The following POLR2B variants were observed in gnomAD, a reference collection of about 807,000 sequenced individuals.
The protein encoded by POLR2B is DNA-directed RNA polymerase II subunit RPB2.
A neutral mutation model predicts 144.6 loss-of-function variants in POLR2B; 57 were observed. That is an observed-to-expected ratio of 0.39 (90% confidence interval 0.32 to 0.49). POLR2B has a LOEUF of 0.49. Among genes scored for constraint, POLR2B ranks in the 20% least tolerant of loss-of-function variants. The probability of loss-of-function intolerance (pLI) is 0.83; values close to 1 mark genes in which losing one functional copy is unlikely to be tolerated. For missense variants in POLR2B, 595 were observed against 1,467.4 expected, an observed-to-expected ratio of 0.41 and a Z score of 9.71; for synonymous variants, 442 against 469.8, an observed-to-expected ratio of 0.94 and a Z score of 0.77.
At chr4:57,024,825 A>G (rs887482364) in intron 21 of POLR2B, 61 bp from the exon 22 acceptor site, 3 of 796,442 alleles carry the variant, frequency 3.8e-6, no homozygotes, top group Non-Finnish European at 6.2e-6. Context: ...TTTTATTGAT[A>G]TGACTTTTAG....
At position 56,984,330 on chromosome 4, in the gene POLR2B, C is replaced by CT. The variant is rs33978173; in HGVS notation, c.20-2013dup. Among the ~76,000 whole-genome samples, 222 of 149,206 alleles carry CT rather than the reference C, an allele frequency of 1.5e-3. 2 individuals carry two copies. Among genetic ancestry groups the CT allele is most frequent in the African/African-American group, 5.0e-3 (204 of 40,734 alleles). ...ATTTGTTAATGATTCCAACTATGTA[C>CT]TTTTTTTTTTTCAAATTTTAAAACG... On this transcript the variant is annotated intron_variant, in intron 1 of 24. Transcript: ENST00000314595.
rs1389222631 is a variant in POLR2B at position 57,017,550 on chromosome 4, T to G, written c.2155-10T>G. The G allele has an allele frequency of 6.4e-7, 1 of 1,569,620 alleles. No individual in the cohort carries two copies. Among genetic ancestry groups the G allele is most frequent in the Non-Finnish European group, 8.6e-7 (1 of 1,161,670 alleles). On this transcript the variant is annotated splice_polypyrimidine_tract_variant and intron_variant, in intron 15 of 24. Coordinates refer to ENST00000314595, the MANE Select transcript of POLR2B (RefSeq NM_000938.3). This position sits in a 1 kb window ranked among gnomAD's most constrained non-coding sequence, Gnocchi z 4.8. ...TTTTTGTTGTTTCTGCTTTTCATTT[T>G]TACGTTTAGTCCCCTAGAAACACAT...
chr4:57,007,137 G>C, intron 10 of POLR2B, 135 bp downstream of exon 10: 1 of 634,710 alleles, frequency 1.6e-6, no homozygotes, highest in Non-Finnish European at 2.7e-6. Flanking sequence ...TGCCGGGTGT[G>C]GTGGCTCACA....
intron 23 of POLR2B, among the ~76,000 whole-genome samples, chr4:57,029,592 C>G (rs542965197): frequency 4.9e-4 from 75 of 152,244 alleles, no homozygotes; most frequent in African/African-American, 1.7e-3. Context: ...ATTTATTTCA[C>G]TTCTTATGTT....
At chr4:57,029,827 A>G (rs1028004410) in intron 23 of POLR2B, among the ~76,000 whole-genome samples, 2 of 152,216 alleles carry the variant, frequency 1.3e-5, no homozygotes, top group African/African-American at 4.8e-5. Flanking sequence ...GAGGAAAATT[A>G]AATGCTCTAC....
rs777007770 is a variant in POLR2B, at chr4:56,995,312, C to G, written c.638C>G (p.Ser213Cys). The stretch of plus-strand genomic sequence containing the variant: ...GTTTATGTGTTTGCCAAAAAGGATT[C>G]TAAATATGCCTACACAGGAGAGTGT... ...NTVYVFAKKDSKYAYTGECRS... is the reference protein window; with the variant it reads ...NTVYVFAKKDCKYAYTGECRS... Residue 213 changes from serine to cysteine, a missense_variant, in exon 6 of 25, where the codon TCT (serine) becomes TGT (cysteine). Ser to Cys is a moderately radical substitution (Grantham distance 112, BLOSUM62 -1). Around this residue, in one of 9 missense-constraint regions of POLR2B, gnomAD observed 251 missense variants for 567.3 expected, o/e 0.44. Coordinates refer to ENST00000314595, the MANE Select transcript of POLR2B (RefSeq NM_000938.3). The G allele has an allele frequency of 6.2e-7, 1 of 1,612,356 alleles. No homozygotes were observed. Among genetic ancestry groups the G allele is most frequent in the South Asian group, 1.1e-5 (1 of 91,012 alleles).
chr4:56,992,055 G>A (rs1191860832), intron 3 of POLR2B, among the ~76,000 whole-genome samples: 1 of 152,150 alleles, frequency 6.6e-6, no homozygotes, highest in Non-Finnish European at 1.5e-5. Flanking sequence ...ACTAAAAGAG[G>A]AGTAGATCTC....
chr4:56,994,136 G>A (rs1390302798), intron 3 of POLR2B, among the ~76,000 whole-genome samples: 1 of 152,042 alleles, frequency 6.6e-6, no homozygotes, highest in Non-Finnish European at 1.5e-5. Flanking sequence ...CTTAAACCTT[G>A]TTACAAACCT....
rs746176395 is a variant in POLR2B at position 57,015,702 on chromosome 4, A to T, written c.1955+46A>T. 7.2e-6 allele frequency: 6 copies of T among 833,354 alleles called. No individual in the cohort carries two copies. In the South Asian group the frequency reaches 1.6e-4, roughly 22 times the overall value. 51.6% of individuals were successfully genotyped at this position (833,354 alleles called of 1,614,324 possible). A position where few individuals can be genotyped will look rare whatever the true frequency, so the allele number is the denominator to read the frequency against. ...AAATGTGTGTATTAAAAATTGAGAT[A>T]GAATTTACATACTGTAAAATTAACC... On this transcript the variant is annotated intron_variant, in intron 14 of 24. Coordinates refer to ENST00000314595, the MANE Select transcript of POLR2B (RefSeq NM_000938.3).
Position 57,025,419 on chromosome 4 carries a change from A to C in POLR2B, c.3121A>C (p.Ile1041Leu). The change falls in exon 23 of 25, where the codon ATA (isoleucine) becomes CTA (leucine). Residue 1041 changes from isoleucine to leucine, a missense_variant. Around this residue, in one of 9 missense-constraint regions of POLR2B, gnomAD observed 65 missense variants for 282.8 expected, o/e 0.23. Coordinates refer to ENST00000314595, the MANE Select transcript of POLR2B (RefSeq NM_000938.3). Reference sequence around the variant, plus strand: ...CACTGGTCGAAAAATCACATCACAAATATTTATTGGCCCCACTTATTACCA... The same window carrying C: ...CACTGGTCGAAAAATCACATCACAACTATTTATTGGCCCCACTTATTACCA... Reference protein sequence around the residue: ...GFTGRKITSQIFIGPTYYQRL... With the variant: ...GFTGRKITSQLFIGPTYYQRL... The C allele has an allele frequency of 6.2e-7, 1 of 1,613,372 alleles. No homozygotes were observed.
At position 57,031,014 on chromosome 4, in the gene POLR2B, A is replaced by T; in HGVS notation, c.*26A>T. The stretch of plus-strand genomic sequence containing the variant: ...CTATTTTACAGGAGTCAACAAGATA[A>T]TTAAATATCTTGGTGTCTTGTTTCT... On this transcript the variant is annotated 3_prime_UTR_variant, in exon 25 of 25. Transcript: ENST00000314595. The T allele has an allele frequency of 8.6e-6, 11 of 1,280,610 alleles. No individual in the cohort carries two copies. The highest frequency in any genetic ancestry group is 1.5e-5 in the African/African-American group (1 of 68,600). 79.3% of individuals were successfully genotyped at this position (1,280,610 alleles called of 1,614,324 possible).
At position 57,031,093 on chromosome 4, in the gene POLR2B, TTTTA is replaced by T; in HGVS notation, c.*109_*112del. 1.3e-6 allele frequency: 1 copy of T among 787,550 alleles called. No individual in the cohort carries two copies. The highest frequency in any genetic ancestry group is 2.2e-6 in the Non-Finnish European group (1 of 464,260). 48.8% of individuals were successfully genotyped at this position (787,550 alleles called of 1,614,324 possible). A position where few individuals can be genotyped will look rare whatever the true frequency, so the allele number is the denominator to read the frequency against. On this transcript the variant is annotated 3_prime_UTR_variant, in exon 25 of 25. Coordinates refer to ENST00000314595, the MANE Select transcript of POLR2B (RefSeq NM_000938.3). ...ATGTACTGTGTTGTGATAAAAAGTA[TTTTA>T]TTTGTTTAATGATATGCATGCTTTT...
At chr4:56,994,374 C>T in intron 3 of POLR2B, 30 bp from the exon 4 acceptor site, 1 of 1,117,162 alleles carries the variant, frequency 9.0e-7, no homozygotes, top group Non-Finnish European at 1.3e-6. Context: ...AAATTATTTA[C>T]CCTTTTCATG....
chr4:57,001,048 A>G (rs11930475), intron 7 of POLR2B, among the ~76,000 whole-genome samples: 14,750 of 152,268 alleles, frequency 0.097, 948 homozygotes, highest in African/African-American at 0.17. Flanking sequence ...ATTAAGTAAT[A>G]AGATCTGTAC....
In POLR2B at chr4:57,022,183, G is replaced by T; in HGVS notation, c.2452G>T (p.Glu818Ter). ...SVFYRSYKEQ[E>*]SKKGFDQEEV... ...TTTCTATCGCTCATACAAAGAACAG[G>T]AGTCTAAAAAAGGATTTGATCAAGA... The change falls in exon 18 of 25, where the codon GAG (glutamate) becomes TAG (stop). Residue 818 changes from glutamate (E) to a stop codon, truncating the protein, a stop_gained. Coordinates refer to ENST00000314595, the MANE Select transcript of POLR2B (RefSeq NM_000938.3). LOFTEE classifies it high-confidence loss of function. 1 of 1,611,714 alleles carries T rather than the reference G, an allele frequency of 6.2e-7. No homozygotes were observed. Among genetic ancestry groups the T allele is most frequent in the East Asian group, 2.2e-5 (1 of 44,840 alleles).
Position 57,015,510 on chromosome 4 carries a change from G to T in POLR2B, c.1809G>T (p.Met603Ile), listed in dbSNP as rs1304625875. 7.2e-7 allele frequency: 1 copy of T among 1,385,794 alleles called. No homozygotes were observed. Among genetic ancestry groups the T allele is most frequent in the Non-Finnish European group, 9.5e-7 (1 of 1,050,106 alleles). The allele number at this position is 1,385,794 out of a possible 1,614,324, so 85.8% of individuals were successfully genotyped here. ...TTTCTTTTTATATGTAGGTTTCTATGATCAGAGATATTCGAGAGAGGGAGA... is the reference window on the plus strand; with the variant it reads ...TTTCTTTTTATATGTAGGTTTCTATTATCAGAGATATTCGAGAGAGGGAGA... ...QMDIIVSEVS[M>I]IRDIREREIR... The change falls in exon 14 of 25, where the codon ATG becomes ATT. Residue 603 changes from methionine (M) to isoleucine (I), a missense_variant. By Grantham distance (10) the Met-to-Ile change is conservative. This residue lies in a region of POLR2B where 29 missense variants were observed against 69.3 expected (regional missense o/e 0.42). Coordinates refer to ENST00000314595, the MANE Select transcript of POLR2B (RefSeq NM_000938.3).
rs1457287436 is a variant in POLR2B at position 56,995,306 on chromosome 4, A to T, written c.632A>T (p.Lys211Met). The T allele has an allele frequency of 1.9e-6, 3 of 1,613,128 alleles. No homozygotes were observed. The highest frequency in any genetic ancestry group is 2.5e-6 in the Non-Finnish European group (3 of 1,179,222). The change falls in exon 6 of 25, where the codon AAG (lysine) becomes ATG (methionine). Residue 211 changes from lysine to methionine, a missense_variant. This residue lies in a region of POLR2B where 251 missense variants were observed against 567.3 expected (regional missense o/e 0.44). Coordinates refer to ENST00000314595, the MANE Select transcript of POLR2B (RefSeq NM_000938.3). The part of the protein sequence containing the change: ...ATNTVYVFAK[K>M]DSKYAYTGEC... ...AACACAGTTTATGTGTTTGCCAAAA[A>T]GGATTCTAAATATGCCTACACAGGA... is the stretch of plus-strand genomic sequence containing the variant.
chr4:56,993,717 A>G lies in POLR2B; in HGVS notation c.244-687A>G, dbSNP rs576222777. Reference sequence around the variant, plus strand: ...GTTGGAAATTCTCAGCCCTTTATATAGAATGATTAGGATATTTTGTGTGTT... The same window carrying G: ...GTTGGAAATTCTCAGCCCTTTATATGGAATGATTAGGATATTTTGTGTGTT... On this transcript the variant is annotated intron_variant, in intron 3 of 24. Coordinates refer to ENST00000314595, the MANE Select transcript of POLR2B (RefSeq NM_000938.3). Among the ~76,000 whole-genome samples, 3 of 152,330 alleles carry G rather than the reference A, an allele frequency of 2.0e-5. No homozygotes were observed. The East Asian group carries it at 5.8e-4, about 29-fold the overall frequency.
At position 56,992,561 on chromosome 4, in the gene POLR2B, T is replaced by TTA. The variant is rs1307087037; in HGVS notation, c.243+1664_243+1665insAT. 9.5e-5 allele frequency among the ~76,000 whole-genome samples: 4 copies of TTA among 42,180 alleles called. 1 individual carries two copies. Among genetic ancestry groups the TTA allele is most frequent in the Non-Finnish European group, 2.1e-4 (4 of 18,836 alleles). The allele number at this position is 42,180 out of a possible 152,430, so 27.7% of individuals were successfully genotyped here. ...TCAGTATGTGATTTTGGCTTATCTA[T>TTA]TTTTTTTTTTTTTTTTGAGACAGAG... is the stretch of plus-strand genomic sequence containing the variant. On this transcript the variant is annotated intron_variant, in intron 3 of 24. Coordinates refer to ENST00000314595, the MANE Select transcript of POLR2B (RefSeq NM_000938.3).
Sources: gnomAD v4.1 joint callset for allele counts (sites outside exome capture counted in the v4.1 genomes callset) on GRCh38, gnomAD v4.1.1 for gene constraint, gnomAD v4.1.1 regional missense constraint, Gnocchi (gnomAD v3.1) non-coding constraint, MANE v1.5 for transcripts, NCBI Gene and HGNC (gene_info 2026-07-23, HGNC 2026-07-21) for gene names.